The following MMS22L variants were observed in gnomAD, a reference collection of about 807,000 sequenced individuals.
MMS22L encodes the protein protein MMS22-like.
Under a neutral mutation model 159.1 loss-of-function variants are expected in MMS22L, and 74 were observed. The observed-to-expected ratio is 0.47, with a 90% CI of 0.39 to 0.56. The LOEUF is 0.56. Among genes scored for constraint, MMS22L ranks in the 20% least tolerant of loss-of-function variants. The pLI is 0.00. For synonymous variants in MMS22L, 517 were observed against 506.9 expected, an observed-to-expected ratio of 1.02 and a Z score of -0.27; for missense variants, 1,351 against 1,422.1, an observed-to-expected ratio of 0.95 and a Z score of 0.80.
chr6:97,236,929 T>C (rs1297668946), intron 11 of MMS22L, among the ~76,000 whole-genome samples: 1 of 147,272 alleles, frequency 6.8e-6, no homozygotes, highest in Non-Finnish European at 1.5e-5. Flanking sequence ...CCAGCCTGGG[T>C]GACAGAGCGA....
chr6:97,263,638 GCA>G (rs1814740310), intron 8 of MMS22L, 190 bp from the exon 9 acceptor site: 1 of 404,382 alleles, frequency 2.5e-6, no homozygotes, highest in South Asian at 6.7e-5. Flanking sequence ...AAAACAAAAA[GCA>G]CAGATTAATT....
chr6:97,202,024 A>G (rs1014879113), intron 14 of MMS22L, among the ~76,000 whole-genome samples: 8 of 152,224 alleles, frequency 5.3e-5, no homozygotes, highest in Admixed American at 5.2e-4. Flanking sequence ...AGCAGAGGAC[A>G]CATGTTCACT....
At chr6:97,221,042 A>G (rs1179576402) in intron 14 of MMS22L, among the ~76,000 whole-genome samples, 2 of 151,928 alleles carry the variant, frequency 1.3e-5, no homozygotes, top group East Asian at 1.9e-4. Context: ...TAACGAAGAA[A>G]TGATTATGAG....
intron 10 of MMS22L, among the ~76,000 whole-genome samples, chr6:97,247,511 G>A (rs1215481220): frequency 1.3e-5 from 2 of 152,082 alleles, no homozygotes; most frequent in South Asian, 2.1e-4. Flanking sequence ...GGTGGATCAC[G>A]AGTTGGAAAC....
At chr6:97,254,427 A>T in intron 10 of MMS22L, 130 bp downstream of exon 10, 1 of 634,362 alleles carries the variant, frequency 1.6e-6, no homozygotes, top group South Asian at 2.1e-5. Context: ...CAGAAACATT[A>T]TACATAAATA....
In MMS22L at chr6:97,173,198, C is replaced by T. The variant is rs967830182; in HGVS notation, c.2704G>A (p.Val902Ile). Residue 902 changes from valine to isoleucine, a missense_variant, in exon 19 of 25, where the codon GTC becomes ATC. Physicochemically the swap from Val to Ile is conservative, Grantham distance 29. Coordinates refer to ENST00000683635, the MANE Select transcript of MMS22L (RefSeq NM_001350599.2). Reference sequence around the variant, plus strand: ...GCAGATTTATCAGAAAGTGTCTGGACGTTCCCGTAAGTTACACCAACAGCC... The same window carrying T: ...GCAGATTTATCAGAAAGTGTCTGGATGTTCCCGTAAGTTACACCAACAGCC... The part of the protein sequence containing the change: ...FEAVGVTYGN[V>I]QTLSDKSAMV... 1.4e-5 allele frequency: 22 copies of T among 1,613,234 alleles called. No individual in the cohort carries two copies. Among genetic ancestry groups the T allele is most frequent in the African/African-American group, 1.1e-4 (8 of 74,850 alleles).
At chr6:97,167,927 T>C in intron 20 of MMS22L, 144 bp downstream of exon 20, 5 of 766,708 alleles carry the variant, frequency 6.5e-6, no homozygotes, top group Middle Eastern at 3.2e-4. Flanking sequence ...ATAAAAGCAA[T>C]TTAAAATATG....
chr6:97,273,022 C>T lies in MMS22L; in HGVS notation c.381G>A (p.Arg127=), dbSNP rs770488554. ...AATGGAGAAATAGTACACACTGCTG[C>T]CTAATATTGTCTGCTTTGCAGTGTA... ...STLHCKADNI[R]QQCVLFLHYV... Residue 127 remains arginine, a synonymous_variant, in exon 5 of 25, where the codon AGG becomes AGA. Coordinates refer to ENST00000683635, the MANE Select transcript of MMS22L (RefSeq NM_001350599.2). 6.2e-7 allele frequency: 1 copy of T among 1,612,934 alleles called. No homozygotes were observed. The highest frequency in any genetic ancestry group is 8.5e-7 in the Non-Finnish European group (1 of 1,179,760).
In MMS22L at chr6:97,283,080, G is replaced by C. The variant is rs1000112245; in HGVS notation, c.-77+16C>G. ...CAAGGACCCGGGGCGTCGGTTACCC[G>C]CGGTGCCTGTCGTACCCGCTCACAT... On this transcript the variant is annotated intron_variant, in intron 1 of 24. Transcript: ENST00000683635. 1 of 152,268 alleles carries C rather than the reference G, an allele frequency of 6.6e-6. No individual in the cohort carries two copies. The highest frequency in any genetic ancestry group is 2.4e-5 in the African/African-American group (1 of 41,458). 9.4% of individuals were successfully genotyped at this position (152,268 alleles called of 1,614,324 possible).
At chr6:97,199,098 A>G (rs1806856849) in intron 14 of MMS22L, among the ~76,000 whole-genome samples, 1 of 152,090 alleles carries the variant, frequency 6.6e-6, no homozygotes, top group Non-Finnish European at 1.5e-5. Context: ...CTACCCTCTA[A>G]TGACAACTGC....
rs1206531098 is a variant in MMS22L, at chr6:97,248,877, T to G, written c.1120-2187A>C. ...TTGTCTCAAAAAAAAAAAAAAGATC[T>G]GACCTTTGCCCATAGCTTCCTGGAG... On this transcript the variant is annotated intron_variant, in intron 10 of 24. Transcript: ENST00000683635. 4.0e-5 allele frequency among the ~76,000 whole-genome samples: 6 copies of G among 151,758 alleles called. No homozygotes were observed. In the East Asian group the frequency reaches 1.2e-3, roughly 29 times the overall value.
chr6:97,267,961 C>A lies in MMS22L; in HGVS notation c.739G>T (p.Asp247Tyr). ...YGHQFMNLAS[D>Y]NLTNISLFEE... ...AATAGGCTGATGTTGGTTAAATTGT[C>A]ACTTGCCAGATTCATAAACTGATGA... Residue 247 changes from aspartate (D) to tyrosine (Y), a missense_variant, in exon 8 of 25, where the codon GAC (aspartate) becomes TAC (tyrosine). Asp to Tyr is a radical substitution (Grantham distance 160). Transcript: ENST00000683635. 1 of 1,605,850 alleles carries A rather than the reference C, an allele frequency of 6.2e-7. No individual in the cohort carries two copies. Among genetic ancestry groups the A allele is most frequent in the South Asian group, 1.1e-5 (1 of 89,638 alleles).
chr6:97,165,380 C>G lies in MMS22L; in HGVS notation c.3087G>C (p.Gln1029His), dbSNP rs1802859286. The stretch of plus-strand genomic sequence containing the variant: ...AAGCTGGAAGAAATCGCCCAATATA[C>G]TGCTCAATAACATTCCCTAGCAATT... ...LNQLLGNVIE[Q>H]YIGRFLPASP... The change falls in exon 21 of 25, where the codon CAG (glutamine) becomes CAC (histidine). Residue 1029 changes from glutamine to histidine, a missense_variant. Physicochemically the swap from Gln to His is conservative, Grantham distance 24. Transcript: ENST00000683635. 6.2e-7 allele frequency: 1 copy of G among 1,613,374 alleles called. No homozygotes were observed. Among genetic ancestry groups the G allele is most frequent in the Non-Finnish European group, 8.5e-7 (1 of 1,179,636 alleles).
At chr6:97,209,670 G>A (rs1332035050) in intron 14 of MMS22L, among the ~76,000 whole-genome samples, 1 of 151,744 alleles carries the variant, frequency 6.6e-6, no homozygotes. Context: ...TGTCTCTATC[G>A]AAAAAGATTT....
chr6:97,246,292 T>C (rs778942748), intron 11 of MMS22L: 4 of 370,872 alleles, frequency 1.1e-5, no homozygotes, highest in South Asian at 2.2e-5. Flanking sequence ...AGGATATAGC[T>C]GAATTTTCAA....
chr6:97,245,790 G>A (rs1812553724), intron 11 of MMS22L, among the ~76,000 whole-genome samples: 1 of 150,922 alleles, frequency 6.6e-6, no homozygotes, highest in Non-Finnish European at 1.5e-5. Context: ...AGTTAATGCA[G>A]ATAATGGGTA....
At chr6:97,171,781 T>C (rs1451722067) in intron 19 of MMS22L, among the ~76,000 whole-genome samples, 2 of 152,166 alleles carry the variant, frequency 1.3e-5, no homozygotes, top group East Asian at 1.9e-4. Context: ...CAAATGGTTA[T>C]GCTATCCCAA....
intron 9 of MMS22L, among the ~76,000 whole-genome samples, chr6:97,255,223 A>T (rs1305277841): frequency 6.6e-6 from 1 of 152,140 alleles, no homozygotes; most frequent in Non-Finnish European, 1.5e-5. Context: ...CATTTATTCA[A>T]TCTACTATTG....
At chr6:97,193,469 G>A (rs1806106312) in intron 14 of MMS22L, among the ~76,000 whole-genome samples, 1 of 152,100 alleles carries the variant, frequency 6.6e-6, no homozygotes, top group Non-Finnish European at 1.5e-5. Flanking sequence ...CATTAGTCTT[G>A]ACTTTGTAGA....
Sources: allele counts gnomAD v4.1 joint callset (sites outside exome capture counted in the v4.1 genomes callset), GRCh38; gene constraint gnomAD v4.1.1; transcripts MANE v1.5; gene names NCBI Gene and HGNC (gene_info 2026-07-23, HGNC 2026-07-21).